Variants in SNAP91 observed in about 807,000 individuals in gnomAD.
SNAP91 encodes the protein synaptosome associated protein 91, also known as clathrin coat assembly protein AP180.
Under a neutral mutation model 100.3 loss-of-function variants are expected in SNAP91, and 27 were observed. The observed-to-expected ratio is 0.27, with a 90% CI of 0.20 to 0.37. SNAP91 has a LOEUF of 0.37. SNAP91 is among the 10% of genes least tolerant of loss of function. The pLI, the probability that SNAP91 is intolerant of heterozygous loss-of-function variation, is 1.00. For missense variants in SNAP91, 986 were observed against 1,123.7 expected (o/e 0.88, Z 1.75); for synonymous variants, 404 against 398.6 (o/e 1.01, Z -0.16).
intron 6 of SNAP91, among the ~76,000 whole-genome samples, chr6:83,658,321 G>A (rs957711645): frequency 2.6e-5 from 4 of 152,068 alleles, no homozygotes; most frequent in Middle Eastern, 3.2e-3. Flanking sequence ...GCATAAAATG[G>A]TTTCTAGGCC....
intron 22 of SNAP91, among the ~76,000 whole-genome samples, chr6:83,590,555 A>AAAAAAAC (rs1228791366): frequency 6.6e-6 from 1 of 152,100 alleles, no homozygotes; most frequent in Non-Finnish European, 1.5e-5. Context: ...CTTGTTAAAA[A>AAAAAAAC]AAAAAACAAA....
chr6:83,619,272 A>T (rs1034829649), intron 9 of SNAP91, among the ~76,000 whole-genome samples: 2 of 152,198 alleles, frequency 1.3e-5, no homozygotes, highest in African/African-American at 4.8e-5. Flanking sequence ...ATGTAAAATC[A>T]AACAGAAATA....
intron 16 of SNAP91, among the ~76,000 whole-genome samples, chr6:83,599,261 G>C (rs1279136374): frequency 6.6e-6 from 1 of 151,802 alleles, no homozygotes; most frequent in African/African-American, 2.4e-5. Context: ...GGGCTATGCA[G>C]GAAGTAAGAT....
chr6:83,569,785 G>C (rs1044909534), intron 26 of SNAP91, among the ~76,000 whole-genome samples: 3 of 152,108 alleles, frequency 2.0e-5, no homozygotes, highest in Non-Finnish European at 4.4e-5. Flanking sequence ...TTTTATAAGG[G>C]GGAGTTTCCC....
chr6:83,638,126 C>T (rs1431708843), intron 8 of SNAP91, among the ~76,000 whole-genome samples: 1 of 152,146 alleles, frequency 6.6e-6, no homozygotes, highest in East Asian at 1.9e-4. Flanking sequence ...CAAGATGGAG[C>T]GCCTTGGGGG....
chr6:83,598,837 C>T (rs999086381), intron 16 of SNAP91, among the ~76,000 whole-genome samples: 1 of 152,032 alleles, frequency 6.6e-6, no homozygotes, highest in African/African-American at 2.4e-5. Flanking sequence ...CACTGAAAAT[C>T]ACAAAACAGA....
At chr6:83,633,620 T>C (rs1025966317) in intron 8 of SNAP91, among the ~76,000 whole-genome samples, 2 of 152,028 alleles carry the variant, frequency 1.3e-5, no homozygotes, top group Admixed American at 6.6e-5. Flanking sequence ...GGATTATGAC[T>C]GTCTCTACTG....
intron 8 of SNAP91, among the ~76,000 whole-genome samples, chr6:83,624,949 T>C (rs952492173): frequency 4.6e-5 from 7 of 152,066 alleles, no homozygotes; most frequent in Admixed American, 4.6e-4. Flanking sequence ...CAAGGGTACA[T>C]TGTATGATGC....
At chr6:83,620,825 C>T (rs1383272650) in intron 9 of SNAP91, among the ~76,000 whole-genome samples, 3 of 151,922 alleles carry the variant, frequency 2.0e-5, no homozygotes, top group Non-Finnish European at 4.4e-5. Flanking sequence ...CATTCTCCTG[C>T]CTCAGCCTCC....
At chr6:83,648,654 A>G (rs1159469495) in intron 7 of SNAP91, among the ~76,000 whole-genome samples, 1 of 152,166 alleles carries the variant, frequency 6.6e-6, no homozygotes, top group African/African-American at 2.4e-5. Context: ...ATTTTAGTTG[A>G]GTCTAGTAGG....
intron 18 of SNAP91, 100 bp downstream of exon 18, chr6:83,593,378 A>C: frequency 6.6e-7 from 1 of 1,513,062 alleles, no homozygotes; most frequent in Admixed American, 2.0e-5. Flanking sequence ...AATGGTTTCT[A>C]GAGAACCATT....
intron 7 of SNAP91, among the ~76,000 whole-genome samples, chr6:83,648,762 T>C (rs530370876): frequency 6.6e-6 from 1 of 152,326 alleles, no homozygotes; most frequent in South Asian, 2.1e-4. Context: ...ATATCTTCTT[T>C]TGTAGTGTCT....
chr6:83,669,228 T>C (rs1316577994), intron 2 of SNAP91, among the ~76,000 whole-genome samples: 1 of 151,904 alleles, frequency 6.6e-6, no homozygotes, highest in Non-Finnish European at 1.5e-5. Context: ...AAAGTGTTTT[T>C]CCATAGTCAT....
chr6:83,648,021 C>T (rs1157789182), intron 7 of SNAP91, among the ~76,000 whole-genome samples: 1 of 152,092 alleles, frequency 6.6e-6, no homozygotes, highest in African/African-American at 2.4e-5. Context: ...AATTAAATTC[C>T]AATATGAGTT....
chr6:83,706,272 T>C (rs972373495), intron 2 of SNAP91, among the ~76,000 whole-genome samples: 3 of 152,238 alleles, frequency 2.0e-5, no homozygotes, highest in African/African-American at 7.2e-5. Context: ...GACTGATATA[T>C]ACCTTTAAGA....
intron 26 of SNAP91, among the ~76,000 whole-genome samples, chr6:83,567,618 ATC>A (rs1798679609): frequency 6.6e-6 from 1 of 152,234 alleles, no homozygotes; most frequent in African/African-American, 2.4e-5. Flanking sequence ...AAGGGCTAAT[ATC>A]CAGAATCCTC....
At chr6:83,690,202 T>A in intron 2 of SNAP91, 1 of 881,438 alleles carries the variant, frequency 1.1e-6, no homozygotes, top group Non-Finnish European at 1.4e-6. Context: ...AATATTTGAA[T>A]TTTTTTCAGG....
At chr6:83,555,196 G>A (rs2127743991) in intron 29 of SNAP91, among the ~76,000 whole-genome samples, 2 of 150,348 alleles carry the variant, frequency 1.3e-5, no homozygotes, top group African/African-American at 2.4e-5. Context: ...TAATACCTTA[G>A]AATAATGCAT....
chr6:83,640,024 G>A lies in SNAP91; in HGVS notation c.765+1072C>T, dbSNP rs78666098. On this transcript the variant is annotated intron_variant, in intron 8 of 29. Coordinates refer to ENST00000369694, the MANE Select transcript of SNAP91 (RefSeq NM_001242792.2). The stretch of plus-strand genomic sequence containing the variant: ...CTGATAAACCCATGAGGAAAGAAAC[G>A]TGAATGTGCTTTAATGTATATACAA... 7.1e-3 allele frequency among the ~76,000 whole-genome samples: 1,085 copies of A among 152,210 alleles called. 22 individuals are homozygous for A. In the East Asian group the frequency reaches 0.073, roughly 10 times the overall value.
Sources: allele counts gnomAD v4.1 joint callset (sites outside exome capture counted in the v4.1 genomes callset), GRCh38; gene constraint gnomAD v4.1.1; transcripts MANE v1.5; gene names NCBI Gene and HGNC (gene_info 2026-07-23, HGNC 2026-07-21).